Variants in SGCD observed in about 807,000 individuals in gnomAD.
SGCD encodes the protein delta-sarcoglycan.
A neutral mutation model predicts 36.6 loss-of-function variants in SGCD; 18 were observed. The observed-to-expected ratio is 0.49, with a 90% CI of 0.34 to 0.73. SGCD has a LOEUF of 0.73. Ranked by LOEUF, SGCD falls within the 30% of genes least tolerant of loss-of-function variation. SGCD has a pLI of 0.01. For missense variants in SGCD, 387 were observed against 346.7 expected (o/e 1.12, Z -0.92); for synonymous variants, 133 against 130.6 (o/e 1.02, Z -0.12).
chr5:156,684,593 AC>A (rs1753840249), intron 7 of SGCD, among the ~76,000 whole-genome samples: 1 of 151,846 alleles, frequency 6.6e-6, no homozygotes, highest in South Asian at 2.1e-4. Flanking sequence ...GCTTCTGTGA[AC>A]CCCCAAACTG....
intron 1 of SGCD, among the ~76,000 whole-genome samples, chr5:155,908,476 T>C (rs1325374116): frequency 6.6e-6 from 1 of 152,168 alleles, no homozygotes; most frequent in Non-Finnish European, 1.5e-5. Context: ...ACAACTTTGT[T>C]GAGTAAGTTT....
At chr5:156,553,876 G>C (rs1274376033) in intron 4 of SGCD, among the ~76,000 whole-genome samples, 8 of 152,142 alleles carry the variant, frequency 5.3e-5, no homozygotes, top group Admixed American at 4.6e-4. Flanking sequence ...CATTTGAGTT[G>C]TTCCTGCTTT....
At chr5:156,212,252 C>T (rs187609874) in intron 3 of SGCD, among the ~76,000 whole-genome samples, 3 of 152,228 alleles carry the variant, frequency 2.0e-5, no homozygotes, top group Admixed American at 1.3e-4. Context: ...TAAATGTATG[C>T]CATCTGCAAG....
At chr5:156,648,841 A>C (rs1331241013) in intron 7 of SGCD, among the ~76,000 whole-genome samples, 1 of 152,130 alleles carries the variant, frequency 6.6e-6, no homozygotes, top group Non-Finnish European at 1.5e-5. Flanking sequence ...TCTATGAGAA[A>C]GAGTTATTGC....
At chr5:156,038,733 G>T (rs1759559288) in intron 1 of SGCD, among the ~76,000 whole-genome samples, 1 of 152,104 alleles carries the variant, frequency 6.6e-6, no homozygotes, top group Non-Finnish European at 1.5e-5. Context: ...GGGAATATGG[G>T]GATAAACAGC....
intron 1 of SGCD, among the ~76,000 whole-genome samples, chr5:155,954,696 G>A (rs111992437): frequency 9.9e-5 from 15 of 151,832 alleles, no homozygotes; most frequent in Non-Finnish European, 1.9e-4. Flanking sequence ...TATCAGTAAA[G>A]GTTTTCCAGA....
At chr5:156,651,424 T>C (rs543078649) in intron 7 of SGCD, among the ~76,000 whole-genome samples, 1 of 152,138 alleles carries the variant, frequency 6.6e-6, no homozygotes, top group Non-Finnish European at 1.5e-5. Flanking sequence ...AGAATTCTTA[T>C]AGTTTGAGGT....
intron 1 of SGCD, among the ~76,000 whole-genome samples, chr5:155,996,019 A>G (rs1390577903): frequency 6.6e-6 from 1 of 151,574 alleles, no homozygotes; most frequent in Non-Finnish European, 1.5e-5. Context: ...AACTTACAAA[A>G]AAAAAAAAAC....
At chr5:156,330,593 A>G (rs1228523082) in intron 2 of SGCD, among the ~76,000 whole-genome samples, 1 of 151,926 alleles carries the variant, frequency 6.6e-6, no homozygotes, top group Non-Finnish European at 1.5e-5. Context: ...CTTTTCCTGC[A>G]CTCTTTCTTT....
chr5:155,789,352 G>A, the SGCD span, among the ~76,000 whole-genome samples: 1 of 152,044 alleles, frequency 6.6e-6, no homozygotes, highest in East Asian at 1.9e-4. Flanking sequence ...TAATTTTGCA[G>A]CTTTAGGCTT....
chr5:156,167,227 CT>C (rs1394292777), intron 3 of SGCD, among the ~76,000 whole-genome samples: 1 of 152,162 alleles, frequency 6.6e-6, no homozygotes, highest in African/African-American at 2.4e-5. Flanking sequence ...GTCATTCTTC[CT>C]TCAGTACCCA....
chr5:155,847,706 G>A, the SGCD span, among the ~76,000 whole-genome samples: 2 of 152,276 alleles, frequency 1.3e-5, no homozygotes, highest in African/African-American at 2.4e-5. Context: ...TTGGAAAGGC[G>A]AAAGAGAGAT....
At chr5:156,334,136 G>T (rs1205142116) in intron 2 of SGCD, among the ~76,000 whole-genome samples, 4 of 152,130 alleles carry the variant, frequency 2.6e-5, no homozygotes, top group East Asian at 1.9e-4. Context: ...TTATTACACA[G>T]CTTGGTCCCC....
intron 7 of SGCD, among the ~76,000 whole-genome samples, chr5:156,746,059 A>C (rs999072456): frequency 2.6e-5 from 4 of 151,996 alleles, no homozygotes; most frequent in African/African-American, 9.7e-5. Flanking sequence ...AAAATACTGC[A>C]AATAAAGCGA....
chr5:156,102,684 C>G (rs1761548228), intron 1 of SGCD, among the ~76,000 whole-genome samples: 2 of 152,152 alleles, frequency 1.3e-5, no homozygotes, highest in South Asian at 4.1e-4. Context: ...CTCTGCCAGG[C>G]TGGTGCTTTG....
At chr5:156,185,212 C>CTTTTTTTTTTTTTTTTT (rs755578762) in intron 3 of SGCD, among the ~76,000 whole-genome samples, 2 of 113,232 alleles carry the variant, frequency 1.8e-5, no homozygotes, top group African/African-American at 3.5e-5. Flanking sequence ...CTTTAATTTT[C>CTTTTTTTTTTTTTTTTT]TTTTTTTTTT....
At chr5:155,990,221 T>C (rs1758404561) in intron 1 of SGCD, among the ~76,000 whole-genome samples, 1 of 152,180 alleles carries the variant, frequency 6.6e-6, no homozygotes, top group Non-Finnish European at 1.5e-5. Flanking sequence ...TGAGATAGTG[T>C]TGCTCTCCCC....
At chr5:156,029,671 A>C (rs1759300979) in intron 1 of SGCD, among the ~76,000 whole-genome samples, 1 of 152,190 alleles carries the variant, frequency 6.6e-6, no homozygotes, top group Non-Finnish European at 1.5e-5. Context: ...AGAAGAGACC[A>C]AACAATGATC....
intron 1 of SGCD, among the ~76,000 whole-genome samples, chr5:155,964,166 T>C (rs1757851703): frequency 6.6e-6 from 1 of 152,162 alleles, no homozygotes. Flanking sequence ...TTAAATATGC[T>C]TCATCATCTT....
Sources: allele counts gnomAD v4.1 joint callset (sites outside exome capture counted in the v4.1 genomes callset), GRCh38; gene constraint gnomAD v4.1.1; transcripts MANE v1.5; gene names NCBI Gene and HGNC (gene_info 2026-07-23, HGNC 2026-07-21).